FBXW7: variants seen among roughly 807,000 people sequenced by gnomAD.
FBXW7 encodes F-box and WD repeat domain containing 7, also known as F-box/WD repeat-containing protein 7.
A neutral mutation model predicts 86.3 loss-of-function variants in FBXW7; 11 were observed. The ratio of observed to expected loss-of-function variants is 0.13; its 90% CI spans 0.08 to 0.21. The LOEUF (loss-of-function observed/expected upper bound fraction) is 0.21. Among genes scored for constraint, FBXW7 ranks in the 10% least tolerant of loss-of-function variants. The pLI, the probability that FBXW7 is intolerant of heterozygous loss-of-function variation, is 1.00. For missense variants in FBXW7, 488 were observed against 847.4 expected (o/e 0.58, Z 5.27); for synonymous variants, 313 against 297.9 (o/e 1.05, Z -0.52).
chr4:152,345,692 T>A (rs1310190333), intron 6 of FBXW7, among the ~76,000 whole-genome samples: 1 of 152,066 alleles, frequency 6.6e-6, no homozygotes, highest in Admixed American at 6.5e-5. Context: ...TTTGCAGAAA[T>A]CACCTGAAGG....
At chr4:152,381,420 T>G (rs1004633136) in intron 4 of FBXW7, among the ~76,000 whole-genome samples, 2 of 152,114 alleles carry the variant, frequency 1.3e-5, no homozygotes, top group Non-Finnish European at 2.9e-5. Flanking sequence ...AGCAGTGGTT[T>G]GTTTGTTTGT....
chr4:152,445,910 T>TTAAA (rs1741334367), intron 2 of FBXW7, among the ~76,000 whole-genome samples: 1 of 100,640 alleles, frequency 9.9e-6, no homozygotes, highest in Admixed American at 1.1e-4. Flanking sequence ...ACTCTGTCTT[T>TTAAA]AAAAAAAAAA....
At chr4:152,497,581 A>G (rs1347859836) in intron 2 of FBXW7, among the ~76,000 whole-genome samples, 1 of 152,152 alleles carries the variant, frequency 6.6e-6, no homozygotes, top group Non-Finnish European at 1.5e-5. Context: ...GAAAATGAAA[A>G]TCATCAAACT....
intron 2 of FBXW7, among the ~76,000 whole-genome samples, chr4:152,471,190 G>GGA (rs1743922306): frequency 1.3e-5 from 2 of 149,878 alleles, no homozygotes; most frequent in Admixed American, 6.6e-5. Context: ...GAAAAGGTGG[G>GGA]AAAAAAAATA....
intron 2 of FBXW7, among the ~76,000 whole-genome samples, chr4:152,499,023 T>C (rs2149696877): frequency 6.6e-6 from 1 of 152,260 alleles, no homozygotes; most frequent in South Asian, 2.1e-4. Context: ...AGAAAATAAA[T>C]TTATTAATAT....
At chr4:152,496,610 G>T (rs542206587) in intron 2 of FBXW7, among the ~76,000 whole-genome samples, 1 of 151,384 alleles carries the variant, frequency 6.6e-6, no homozygotes, top group East Asian at 2.0e-4. Context: ...ACAGGGAGGC[G>T]GAGGTTGCAG....
At chr4:152,454,231 A>G (rs563194781) in intron 2 of FBXW7, among the ~76,000 whole-genome samples, 1 of 144,976 alleles carries the variant, frequency 6.9e-6, no homozygotes, top group Non-Finnish European at 1.5e-5. Context: ...TATCTCTTTT[A>G]CTGGAGAGTA....
intron 2 of FBXW7, among the ~76,000 whole-genome samples, chr4:152,508,560 G>A (rs1264328730): frequency 6.6e-6 from 1 of 151,148 alleles, no homozygotes; most frequent in Non-Finnish European, 1.5e-5. Flanking sequence ...ATGGTGGTGT[G>A]CACCTGCAGT....
chr4:152,416,569 T>C (rs1175779898), intron 2 of FBXW7, among the ~76,000 whole-genome samples: 1 of 152,216 alleles, frequency 6.6e-6, no homozygotes, highest in Non-Finnish European at 1.5e-5. Context: ...ATTTGTAACT[T>C]TAAAGATGAA....
chr4:152,396,486 A>T (rs554749514), intron 4 of FBXW7, among the ~76,000 whole-genome samples: 2 of 152,198 alleles, frequency 1.3e-5, no homozygotes, highest in East Asian at 3.9e-4. Context: ...TCAAGTTTTA[A>T]CTAGCAAGCC....
At chr4:152,471,714 C>T (rs186715512) in intron 2 of FBXW7, among the ~76,000 whole-genome samples, 127 of 151,870 alleles carry the variant, frequency 8.4e-4, no homozygotes, top group Non-Finnish European at 1.3e-3. Flanking sequence ...GTGTGGGCAA[C>T]ATAGTGAGAT....
chr4:152,389,576 T>C (rs1418262952), intron 4 of FBXW7, among the ~76,000 whole-genome samples: 1 of 151,600 alleles, frequency 6.6e-6, no homozygotes, highest in Non-Finnish European at 1.5e-5. Flanking sequence ...GAACATGGAG[T>C]GTGTAGTAAT....
intron 4 of FBXW7, among the ~76,000 whole-genome samples, chr4:152,387,576 T>C (rs1579066049): frequency 9.1e-6 from 1 of 109,610 alleles, no homozygotes; most frequent in Non-Finnish European, 1.8e-5. Flanking sequence ...TGCTTAATGA[T>C]AAATTATCAA....
At chr4:152,409,945 T>TA (rs1232135395) in intron 4 of FBXW7, among the ~76,000 whole-genome samples, 1 of 152,168 alleles carries the variant, frequency 6.6e-6, no homozygotes, top group East Asian at 1.9e-4. Flanking sequence ...GTAATCATCA[T>TA]ACACAAAATT....
At chr4:152,325,494 A>G (rs201033821) in intron 12 of FBXW7, 2,086 of 152,390 alleles carry the variant, frequency 0.014, 27 homozygotes, top group Middle Eastern at 0.037. Context: ...AAACCAAAAA[A>G]AAGAAATCGG....
chr4:152,398,449 C>A (rs1736622126), intron 4 of FBXW7, among the ~76,000 whole-genome samples: 1 of 151,706 alleles, frequency 6.6e-6, no homozygotes, highest in Non-Finnish European at 1.5e-5. Context: ...TTTGTGCTTT[C>A]TTTTGAATTA....
chr4:152,506,572 T>C (rs940558264), intron 2 of FBXW7, among the ~76,000 whole-genome samples: 2 of 152,250 alleles, frequency 1.3e-5, no homozygotes, highest in African/African-American at 4.8e-5. Flanking sequence ...AGTTCCATTA[T>C]AATCTCATGG....
intron 7 of FBXW7, among the ~76,000 whole-genome samples, chr4:152,337,056 A>G (rs886398887): frequency 6.6e-6 from 1 of 151,988 alleles, no homozygotes. Context: ...ATTTCTGTTC[A>G]CTGACAAAAT....
At chr4:152,477,863 G>T (rs1392302355) in intron 2 of FBXW7, among the ~76,000 whole-genome samples, 2 of 151,978 alleles carry the variant, frequency 1.3e-5, no homozygotes, top group Non-Finnish European at 2.9e-5. Context: ...AAACAGAAAG[G>T]ACAATAAATA....
Sources: gnomAD v4.1 joint callset for allele counts (sites outside exome capture counted in the v4.1 genomes callset) on GRCh38, gnomAD v4.1.1 for gene constraint, MANE v1.5 for transcripts, NCBI Gene and HGNC (gene_info 2026-07-23, HGNC 2026-07-21) for gene names.